FSTL4: variants seen among roughly 807,000 people sequenced by gnomAD.
FSTL4 encodes the protein follistatin-related protein 4.
FSTL4 carries 28 observed loss-of-function variants against 78.2 expected under a neutral mutation model. The observed-to-expected ratio is 0.36, with a 90% CI of 0.27 to 0.49. The LOEUF (loss-of-function observed/expected upper bound fraction) is 0.49, where lower values mean the gene tolerates loss of function less well. Ranked by LOEUF, FSTL4 falls within the 20% of genes least tolerant of loss-of-function variation. The probability of loss-of-function intolerance (pLI) is 0.98; values close to 1 mark genes in which losing one functional copy is unlikely to be tolerated. For synonymous variants in FSTL4, 422 were observed against 440.5 expected (o/e 0.96, Z 0.53); for missense variants, 922 against 1,084.9 (o/e 0.85, Z 2.11).
chr5:133,233,253 CTT>C (rs1206513018), intron 8 of FSTL4, among the ~76,000 whole-genome samples, 162 bp downstream of exon 8: 1 of 152,220 alleles, frequency 6.6e-6, no homozygotes, highest in African/African-American at 2.4e-5. Flanking sequence ...GGTCAACAGA[CTT>C]TGCCCTTTCC....
intron 11 of FSTL4, 87 bp from the exon 12 acceptor site, chr5:133,220,953 G>A (rs762724465): frequency 1.2e-5 from 10 of 820,962 alleles, no homozygotes; most frequent in African/African-American, 1.2e-4. Context: ...ACAAGAAACC[G>A]GCCACGTGGA....
At chr5:133,414,640 T>A (rs1356484969) in intron 3 of FSTL4, among the ~76,000 whole-genome samples, 1 of 152,244 alleles carries the variant, frequency 6.6e-6, no homozygotes, top group Non-Finnish European at 1.5e-5. Context: ...AAAAGGATTT[T>A]AAAAAATATT....
At chr5:133,334,232 C>T (rs1465802197) in intron 4 of FSTL4, among the ~76,000 whole-genome samples, 1 of 152,228 alleles carries the variant, frequency 6.6e-6, no homozygotes, top group Non-Finnish European at 1.5e-5. Context: ...GTTCTACATG[C>T]AGCTTCCAGT....
chr5:133,345,530 T>G (rs1242951314), intron 4 of FSTL4, among the ~76,000 whole-genome samples: 1 of 152,236 alleles, frequency 6.6e-6, no homozygotes, highest in Non-Finnish European at 1.5e-5. Context: ...TGCCTAGGTT[T>G]TCTTCTAGGG....
the FSTL4 span, among the ~76,000 whole-genome samples, chr5:133,744,292 C>T: frequency 3.9e-5 from 6 of 152,202 alleles, no homozygotes; most frequent in Non-Finnish European, 1.5e-5. Context: ...AAACAAGCCT[C>T]ATGGAATCCA....
At chr5:133,537,862 C>T (rs1176869555) in intron 3 of FSTL4, among the ~76,000 whole-genome samples, 1 of 151,372 alleles carries the variant, frequency 6.6e-6, no homozygotes, top group Non-Finnish European at 1.5e-5. Flanking sequence ...TATGTACACA[C>T]ATATATATAT....
the FSTL4 span, among the ~76,000 whole-genome samples, chr5:133,642,293 A>G: frequency 3.3e-5 from 5 of 152,276 alleles, no homozygotes; most frequent in South Asian, 6.2e-4. Flanking sequence ...TGAGTCCCCA[A>G]CAGAGCCAAG....
the FSTL4 span, among the ~76,000 whole-genome samples, chr5:133,746,587 T>C: frequency 1.3e-5 from 2 of 152,116 alleles, no homozygotes; most frequent in Admixed American, 6.5e-5. Context: ...GAAAAAATAA[T>C]TTCTGGCTCA....
the FSTL4 span, among the ~76,000 whole-genome samples, chr5:133,749,170 G>A: frequency 3.7e-4 from 56 of 152,244 alleles, no homozygotes; most frequent in African/African-American, 1.3e-3. Context: ...CTTAAGGAAT[G>A]CAGTGATGAA....
At chr5:133,790,058 C>T in the FSTL4 span, among the ~76,000 whole-genome samples, 1 of 152,164 alleles carries the variant, frequency 6.6e-6, no homozygotes, top group Non-Finnish European at 1.5e-5. Flanking sequence ...CCATGCTCTC[C>T]ACCTCTGGTC....
chr5:133,623,360 C>G, the FSTL4 span, among the ~76,000 whole-genome samples: 1 of 152,032 alleles, frequency 6.6e-6, no homozygotes, highest in Non-Finnish European at 1.5e-5. Flanking sequence ...CTATGGCCAA[C>G]TGATTTTCAA....
intron 14 of FSTL4, chr5:133,208,190 T>TC (rs1372022768): frequency 2.0e-5 from 3 of 152,238 alleles, no homozygotes; most frequent in East Asian, 1.9e-4. Context: ...CTAGTATCTT[T>TC]CCTTAGGTGT....
intron 3 of FSTL4, among the ~76,000 whole-genome samples, chr5:133,404,123 T>C (rs576615486): frequency 8.5e-5 from 13 of 152,272 alleles, no homozygotes; most frequent in African/African-American, 2.6e-4. Context: ...AAGACAAAAG[T>C]AGCATGAAGG....
chr5:133,751,593 G>A, the FSTL4 span, among the ~76,000 whole-genome samples: 1 of 152,180 alleles, frequency 6.6e-6, no homozygotes, highest in African/African-American at 2.4e-5. Context: ...TCATTAGAGA[G>A]ACAGATGCTC....
intron 4 of FSTL4, among the ~76,000 whole-genome samples, chr5:133,393,044 C>T (rs1007751618): frequency 5.3e-5 from 8 of 152,132 alleles, no homozygotes; most frequent in African/African-American, 1.9e-4. Flanking sequence ...CCAAAGAACA[C>T]ACATATTTGT....
intron 2 of FSTL4, among the ~76,000 whole-genome samples, chr5:133,570,838 T>C (rs1760139359): frequency 6.6e-6 from 1 of 152,166 alleles, no homozygotes; most frequent in Admixed American, 6.5e-5. Flanking sequence ...ACATTTCCCC[T>C]TTGCGACATT....
chr5:133,802,936 AGAG>A, the FSTL4 span, among the ~76,000 whole-genome samples: 1 of 152,210 alleles, frequency 6.6e-6, no homozygotes, highest in Non-Finnish European at 1.5e-5. Flanking sequence ...ATAGGTGTGG[AGAG>A]GAGGCTTGCT....
chr5:133,467,111 TC>T (rs1446672586), intron 3 of FSTL4, among the ~76,000 whole-genome samples: 5 of 151,848 alleles, frequency 3.3e-5, no homozygotes, highest in African/African-American at 1.2e-4. Context: ...TGTATATATG[TC>T]TGAATATGTA....
At chr5:133,333,128 C>G (rs1754386117) in intron 4 of FSTL4, among the ~76,000 whole-genome samples, 1 of 152,192 alleles carries the variant, frequency 6.6e-6, no homozygotes, top group African/African-American at 2.4e-5. Context: ...GGCGGCAGCT[C>G]AGCCCCAGCC....
Sources: allele counts gnomAD v4.1 joint callset (sites outside exome capture counted in the v4.1 genomes callset), GRCh38; gene constraint gnomAD v4.1.1; transcripts MANE v1.5; gene names NCBI Gene and HGNC (gene_info 2026-07-23, HGNC 2026-07-21).